STX2: variants seen among roughly 807,000 people sequenced by gnomAD.
STX2 encodes syntaxin-2.
Under a neutral mutation model 40.6 loss-of-function variants are expected in STX2, and 27 were observed. The ratio of observed to expected loss-of-function variants is 0.66; its 90% CI spans 0.49 to 0.92. The LOEUF is 0.92. Ranked by LOEUF, STX2 falls within the 40% of genes least tolerant of loss-of-function variation. STX2 has a pLI of 0.00. For synonymous variants in STX2, 123 were observed against 119.1 expected (o/e 1.03, Z -0.22); for missense variants, 328 against 366.1 (o/e 0.90, Z 0.85).
intron 3 of STX2, among the ~76,000 whole-genome samples, chr12:130,820,511 C>T: frequency 6.6e-6 from 1 of 151,896 alleles, no homozygotes; most frequent in East Asian, 1.9e-4. Flanking sequence ...ACTAAAAATA[C>T]AAAAATTAGC....
rs775680839 is a variant in STX2, at chr12:130,796,135, C to A, written c.787-15G>T. 6.2e-7 allele frequency: 1 copy of A among 1,613,624 alleles called. No individual in the cohort carries two copies. Among genetic ancestry groups the A allele is most frequent in the Admixed American group, 1.7e-5 (1 of 59,968 alleles). On this transcript the variant is annotated splice_polypyrimidine_tract_variant and intron_variant, in intron 9 of 10. Transcript: ENST00000392373. ...ATCCACTTTTTCTGTCAAAGAAAAGCAAGCTGATTATATCATGCATGGTTA... is the reference window on the plus strand; with the variant it reads ...ATCCACTTTTTCTGTCAAAGAAAAGAAAGCTGATTATATCATGCATGGTTA...
At chr12:130,812,594 C>T in intron 4 of STX2, 1 of 256,972 alleles carries the variant, frequency 3.9e-6, no homozygotes, top group Non-Finnish European at 7.6e-6. Flanking sequence ...AAGCTATAAG[C>T]CTCCCAAAAA....
rs933115608 is a variant in STX2 at position 130,804,909 on chromosome 12, T to C, written c.463+2073A>G. On this transcript the variant is annotated intron_variant, in intron 6 of 10. Coordinates refer to ENST00000392373, the MANE Select transcript of STX2 (RefSeq NM_194356.4). ...AATTCTGTGGGCTGAGATAGAATAATGTGGGAAAGAGAGAAGAGACTTAGG... is the reference window on the plus strand; with the variant it reads ...AATTCTGTGGGCTGAGATAGAATAACGTGGGAAAGAGAGAAGAGACTTAGG... Among the ~76,000 whole-genome samples the C allele has an allele frequency of 5.3e-5, 8 of 152,074 alleles. No individual in the cohort carries two copies. The South Asian group carries it at 8.3e-4, about 16-fold the overall frequency.
At chr12:130,830,825 G>C (rs1021116490) in intron 1 of STX2, among the ~76,000 whole-genome samples, 3 of 152,206 alleles carry the variant, frequency 2.0e-5, no homozygotes, top group African/African-American at 4.8e-5. Flanking sequence ...ATGATTATGA[G>C]AGGGTATTTA....
At chr12:130,811,356 T>A (rs866203591) in intron 4 of STX2, among the ~76,000 whole-genome samples, 2,660 of 46,150 alleles carry the variant, frequency 0.058, 104 homozygotes, top group African/African-American at 0.12. Context: ...AGACTCTGTC[T>A]CAAAAAAAAA....
chr12:130,810,385 G>C (rs766269127), intron 4 of STX2, among the ~76,000 whole-genome samples: 2 of 152,094 alleles, frequency 1.3e-5, no homozygotes, highest in Non-Finnish European at 2.9e-5. Flanking sequence ...TCTTAGCCCA[G>C]TCCACTGAAA....
intron 1 of STX2, among the ~76,000 whole-genome samples, chr12:130,838,726 G>A (rs912237738): frequency 1.3e-5 from 2 of 152,262 alleles, no homozygotes; most frequent in African/African-American, 2.4e-5. Flanking sequence ...TCCGCCAAGC[G>A]GAGTGACGGA....
At chr12:130,809,241 CAGAT>C (rs1426225733) in intron 4 of STX2, among the ~76,000 whole-genome samples, 64 of 152,014 alleles carry the variant, frequency 4.2e-4, no homozygotes, top group Non-Finnish European at 3.2e-4. Context: ...CAGATACACA[CAGAT>C]ATATATACAC....
At chr12:130,804,168 A>T (rs922571603) in intron 6 of STX2, among the ~76,000 whole-genome samples, 1 of 152,224 alleles carries the variant, frequency 6.6e-6, no homozygotes, top group African/African-American at 2.4e-5. Context: ...CTCACTTGCC[A>T]TTTGAAGAAA....
intron 1 of STX2, among the ~76,000 whole-genome samples, chr12:130,827,673 G>A (rs1952375887): frequency 6.6e-6 from 1 of 152,264 alleles, no homozygotes; most frequent in Non-Finnish European, 1.5e-5. Context: ...CAGCACTTTA[G>A]GAGGCTGAGG....
rs374882437 is a variant in STX2 at position 130,791,854 on chromosome 12, G to C, written c.*169C>G. ...ATGACAGGATGCTGATTTGGTTGCA[G>C]ATGTGGTCTGAGTCTCAAGGATAAA... On this transcript the variant is annotated 3_prime_UTR_variant, in exon 11 of 11. Transcript: ENST00000392373. The C allele has an allele frequency of 1.8e-5, 28 of 1,517,440 alleles. No individual in the cohort carries two copies. Among genetic ancestry groups the C allele is most frequent in the Non-Finnish European group, 2.5e-5 (27 of 1,095,964 alleles). The allele number at this position is 1,517,440 out of a possible 1,614,324, so 94.0% of individuals were successfully genotyped here.
At chr12:130,837,319 A>C (rs1952783747) in intron 1 of STX2, among the ~76,000 whole-genome samples, 1 of 151,988 alleles carries the variant, frequency 6.6e-6, no homozygotes, top group Non-Finnish European at 1.5e-5. Context: ...TCTGAAACAG[A>C]GTCTCTTTCT....
rs192405245 is a variant in STX2, at chr12:130,821,620, C to T, written c.205+69G>A. On this transcript the variant is annotated intron_variant, in intron 3 of 10. Transcript: ENST00000392373. ...ATCTCCCGTGAGGCCAGAGTTGAGGCCTGTGCCGCAGACAGCCAGAGGGAC... is the reference window on the plus strand; with the variant it reads ...ATCTCCCGTGAGGCCAGAGTTGAGGTCTGTGCCGCAGACAGCCAGAGGGAC... 1,170 of 1,259,474 alleles carry T rather than the reference C, an allele frequency of 9.3e-4. 6 individuals are homozygous for T. Among genetic ancestry groups the T allele is most frequent in the Non-Finnish European group, 5.8e-4 (503 of 859,856 alleles). 78.0% of individuals were successfully genotyped at this position (1,259,474 alleles called of 1,614,324 possible).
chr12:130,828,232 T>A (rs1332926826), intron 1 of STX2, among the ~76,000 whole-genome samples: 1 of 152,134 alleles, frequency 6.6e-6, no homozygotes, highest in Non-Finnish European at 1.5e-5. Flanking sequence ...TACTCTTTTT[T>A]TTTGGAAACA....
chr12:130,799,455 G>T (rs1165157251), intron 8 of STX2, among the ~76,000 whole-genome samples: 1 of 152,194 alleles, frequency 6.6e-6, no homozygotes, highest in East Asian at 1.9e-4. Context: ...AGTAATTACA[G>T]AAATCATCTC....
intron 1 of STX2, among the ~76,000 whole-genome samples, chr12:130,829,747 A>C (rs1433947880): frequency 6.6e-6 from 1 of 152,172 alleles, no homozygotes; most frequent in African/African-American, 2.4e-5. Flanking sequence ...GTGCGGTCTC[A>C]GAGGCGCAGG....
intron 1 of STX2, among the ~76,000 whole-genome samples, chr12:130,832,062 G>A (rs1306111915): frequency 6.6e-6 from 1 of 151,824 alleles, no homozygotes. Context: ...GCCCAGGCTG[G>A]CCTTGAACTT....
chr12:130,806,624 C>G (rs1028030184), intron 6 of STX2, among the ~76,000 whole-genome samples: 27 of 152,220 alleles, frequency 1.8e-4, no homozygotes, highest in Admixed American at 8.5e-4. Context: ...GGGCCGCTGC[C>G]TCTGCTCACA....
At chr12:130,825,802 A>G (rs543396135) in intron 2 of STX2, among the ~76,000 whole-genome samples, 1 of 152,214 alleles carries the variant, frequency 6.6e-6, no homozygotes, top group African/African-American at 2.4e-5. Flanking sequence ...ATCCCATGAG[A>G]CTCAGCATAA....
Sources: allele counts gnomAD v4.1 joint callset (sites outside exome capture counted in the v4.1 genomes callset), GRCh38; gene constraint gnomAD v4.1.1; transcripts MANE v1.5; gene names NCBI Gene and HGNC (gene_info 2026-07-23, HGNC 2026-07-21).